The following LRRFIP1 variants were observed in gnomAD, a reference collection of about 807,000 sequenced individuals.
The protein encoded by LRRFIP1 is LRR binding FLII interacting protein 1.
Under a neutral mutation model 104.4 loss-of-function variants are expected in LRRFIP1, and 62 were observed. The observed-to-expected ratio is 0.59, with a 90% CI of 0.48 to 0.73. The LOEUF (loss-of-function observed/expected upper bound fraction) is 0.73. Ranked by LOEUF, LRRFIP1 falls within the 30% of genes least tolerant of loss-of-function variation. The pLI is 0.00. For synonymous variants in LRRFIP1, 300 were observed against 299.0 expected (o/e 1.00, Z -0.03); for missense variants, 796 against 824.5 (o/e 0.97, Z 0.42).
chr2:237,695,222 C>T (rs2149806254), intron 1 of LRRFIP1, among the ~76,000 whole-genome samples: 1 of 152,258 alleles, frequency 6.6e-6, no homozygotes, highest in East Asian at 1.9e-4. Context: ...GACTAAATTT[C>T]CCTTTTTCTT....
intron 11 of LRRFIP1, among the ~76,000 whole-genome samples, chr2:237,742,386 T>C (rs1158267846): frequency 6.6e-6 from 1 of 152,206 alleles, no homozygotes; most frequent in Non-Finnish European, 1.5e-5. Flanking sequence ...CTGGGTGCCT[T>C]ACATCTGATG....
At chr2:237,765,643 C>A in intron 19 of LRRFIP1, 1 of 973,428 alleles carries the variant, frequency 1.0e-6, no homozygotes, top group East Asian at 1.1e-4. Context: ...TATATTCTTA[C>A]TGGAAAATTC....
intron 2 of LRRFIP1, among the ~76,000 whole-genome samples, chr2:237,709,483 G>A (rs1248104169): frequency 6.6e-6 from 1 of 152,170 alleles, no homozygotes; most frequent in Non-Finnish European, 1.5e-5. Context: ...TAATACACAG[G>A]TTGTTGTTTG....
In LRRFIP1 at chr2:237,661,150, G is replaced by T. The variant is rs1403770611; in HGVS notation, c.96+33410G>T. On this transcript the variant is annotated intron_variant, in intron 1 of 23. Transcript: ENST00000308482. This position sits in a 1 kb window ranked among gnomAD's most constrained non-coding sequence, Gnocchi z 4.4. ...GCCTCATCAGCACTGTGAACAAACA[G>T]GGAAGGATATCTGGGGCCACGCAGG... Among the ~76,000 whole-genome samples the T allele has an allele frequency of 7.4e-6, 1 of 135,468 alleles. No homozygotes were observed. Among genetic ancestry groups the T allele is most frequent in the Admixed American group, 6.9e-5 (1 of 14,560 alleles). 88.9% of individuals were successfully genotyped at this position (135,468 alleles called of 152,430 possible). A position where few individuals can be genotyped will look rare whatever the true frequency, so the allele number is the denominator to read the frequency against.
intron 8 of LRRFIP1, among the ~76,000 whole-genome samples, chr2:237,728,161 G>A (rs1234275080): frequency 6.6e-6 from 1 of 152,082 alleles, no homozygotes; most frequent in Non-Finnish European, 1.5e-5. Context: ...GTTAGTATAA[G>A]GGGTAGATAT....
chr2:237,695,191 T>C (rs1057482621), intron 1 of LRRFIP1, among the ~76,000 whole-genome samples: 8 of 152,292 alleles, frequency 5.3e-5, no homozygotes, highest in Admixed American at 1.3e-4. Flanking sequence ...ATTGAGAGTG[T>C]CCTACTGGGG....
rs2061384179 is a variant in LRRFIP1, at chr2:237,779,807, GTGTC to G, written c.*278_*281del. 1 of 265,152 alleles carries G rather than the reference GTGTC, an allele frequency of 3.8e-6. No individual in the cohort carries two copies. Among genetic ancestry groups the G allele is most frequent in the Non-Finnish European group, 7.4e-6 (1 of 135,024 alleles). The allele number at this position is 265,152 out of a possible 1,614,324, so 16.4% of individuals were successfully genotyped here. ...CACACAGGGGCCTCGAGGGAGCTCTGTGTCTGACCGCACAGCAGCCTCTGAATGC... is the reference window on the plus strand; with the variant it reads ...CACACAGGGGCCTCGAGGGAGCTCTGTGACCGCACAGCAGCCTCTGAATGC... On this transcript the variant is annotated 3_prime_UTR_variant, in exon 24 of 24. Transcript: ENST00000308482.
intron 11 of LRRFIP1, among the ~76,000 whole-genome samples, chr2:237,747,616 G>A (rs1218862090): frequency 2.0e-5 from 3 of 152,166 alleles, no homozygotes; most frequent in Non-Finnish European, 4.4e-5. Flanking sequence ...AGAGTCCCAG[G>A]TCATCTCTCA....
chr2:237,763,483 T>C, intron 19 of LRRFIP1: 3 of 1,613,386 alleles, frequency 1.9e-6, no homozygotes, highest in Non-Finnish European at 2.5e-6. Flanking sequence ...CCCTTAAAGA[T>C]GTTAAAAAAG....
In LRRFIP1 at chr2:237,752,945, C is replaced by T. The variant is rs200580861; in HGVS notation, c.868-364C>T. ...ACGCCTCGAGTGATTCTTCAGAAAT[C>T]TGTTGAACAGCCTGACACCCAGCCC... On this transcript the variant is annotated intron_variant, in intron 14 of 23. Transcript: ENST00000308482. 3.3e-5 allele frequency among the ~76,000 whole-genome samples: 5 copies of T among 152,330 alleles called. No homozygotes were observed. The East Asian group carries it at 7.7e-4, about 24-fold the overall frequency.
At chr2:237,652,817 C>A (rs2086154812) in intron 1 of LRRFIP1, among the ~76,000 whole-genome samples, 1 of 152,222 alleles carries the variant, frequency 6.6e-6, no homozygotes, top group African/African-American at 2.4e-5. Flanking sequence ...CACTGCACTC[C>A]AGCCTGGGCT....
In LRRFIP1 at chr2:237,689,905, T is replaced by C. The variant is rs531327905; in HGVS notation, c.97-18639T>C. On this transcript the variant is annotated intron_variant, in intron 1 of 23. Coordinates refer to ENST00000308482, the MANE Select transcript of LRRFIP1 (RefSeq NM_001137550.2). Reference sequence around the variant, plus strand: ...CCAGCGGGATCCCCGTGTTAGAGCCTTTGGTCCTCACCCTCACAGCGGGCA... The same window carrying C: ...CCAGCGGGATCCCCGTGTTAGAGCCCTTGGTCCTCACCCTCACAGCGGGCA... Among the ~76,000 whole-genome samples the C allele has an allele frequency of 2.0e-5, 3 of 152,310 alleles. No homozygotes were observed. The South Asian group carries it at 6.2e-4, about 32-fold the overall frequency.
intron 23 of LRRFIP1, among the ~76,000 whole-genome samples, chr2:237,778,357 A>T (rs1204169493): frequency 2.0e-5 from 3 of 152,154 alleles, no homozygotes; most frequent in East Asian, 3.9e-4. Flanking sequence ...CTCCAAAACC[A>T]CGTTCTCCCA....
intron 1 of LRRFIP1, among the ~76,000 whole-genome samples, chr2:237,673,427 G>C (rs781468427): frequency 3.3e-5 from 5 of 152,228 alleles, no homozygotes; most frequent in African/African-American, 9.6e-5. Context: ...TGAGGGGTCA[G>C]ATTCACCTTC....
At chr2:237,759,984 CT>C (rs1559815428) in intron 18 of LRRFIP1, 79 bp from the exon 19 acceptor site, 3 of 1,389,914 alleles carry the variant, frequency 2.2e-6, no homozygotes, top group South Asian at 2.5e-5. Flanking sequence ...AAATGGTTTT[CT>C]TTTTTATTAT....
At chr2:237,662,944 T>C (rs903373) in intron 1 of LRRFIP1, among the ~76,000 whole-genome samples, 114,501 of 152,114 alleles carry the variant, frequency 0.75, 43,351 homozygotes, top group East Asian at 0.97. Flanking sequence ...CTTCCTTGCA[T>C]AAACCGCTCC....
intron 1 of LRRFIP1, among the ~76,000 whole-genome samples, chr2:237,702,535 C>T (rs576516728): frequency 3.3e-5 from 5 of 152,280 alleles, no homozygotes; most frequent in African/African-American, 9.6e-5. Context: ...CCTAACCCCG[C>T]GGGCAGCAGC....
At chr2:237,668,046 C>T (rs10171943) in intron 1 of LRRFIP1, among the ~76,000 whole-genome samples, 16,009 of 152,118 alleles carry the variant, frequency 0.11, 949 homozygotes, top group East Asian at 0.19. Flanking sequence ...TGACACCCCC[C>T]TTTCCCCAAC....
chr2:237,658,693 A>T (rs1298514864), intron 1 of LRRFIP1, among the ~76,000 whole-genome samples: 3 of 152,210 alleles, frequency 2.0e-5, no homozygotes, highest in Non-Finnish European at 4.4e-5. Flanking sequence ...AGGAGTGCCG[A>T]GTGAAGGAGG....
Sources: allele counts gnomAD v4.1 joint callset (sites outside exome capture counted in the v4.1 genomes callset), GRCh38; gene constraint gnomAD v4.1.1; non-coding constraint Gnocchi (gnomAD v3.1); transcripts MANE v1.5; gene names NCBI Gene and HGNC (gene_info 2026-07-23, HGNC 2026-07-21).